The following QSER1 variants were observed in gnomAD, a reference collection of about 807,000 sequenced individuals.
The protein encoded by QSER1 is glutamine and serine rich 1, also known as glutamine and serine-rich protein 1.
QSER1 carries 49 observed loss-of-function variants against 158.5 expected under a neutral mutation model. The ratio of observed to expected loss-of-function variants is 0.31; its 90% confidence interval spans 0.25 to 0.39. The LOEUF (loss-of-function observed/expected upper bound fraction) is 0.39. QSER1 is among the 10% of genes least tolerant of loss of function. QSER1 has a pLI of 1.00. For synonymous variants in QSER1, 650 were observed against 715.5 expected (o/e 0.91, Z 1.46); for missense variants, 1,754 against 2,010.3 (o/e 0.87, Z 2.44).
At chr11:32,909,126 C>G (rs1851731772) in intron 1 of QSER1, among the ~76,000 whole-genome samples, 1 of 152,174 alleles carries the variant, frequency 6.6e-6, no homozygotes, top group African/African-American at 2.4e-5. Flanking sequence ...CGCCACTGCA[C>G]TCCAGCCGGG....
At chr11:32,912,164 A>G (rs1273707390) in intron 1 of QSER1, among the ~76,000 whole-genome samples, 1 of 152,180 alleles carries the variant, frequency 6.6e-6, no homozygotes, top group Non-Finnish European at 1.5e-5. Flanking sequence ...CCTAAGTAGG[A>G]ATATTCATTA....
rs934973509 is a variant in QSER1 at position 32,976,577 on chromosome 11, C to T, written c.*103C>T. 7.1e-6 allele frequency: 9 copies of T among 1,275,006 alleles called. No individual in the cohort carries two copies. Among genetic ancestry groups the T allele is most frequent in the Middle Eastern group, 2.1e-4 (1 of 4,720 alleles). 79.0% of individuals were successfully genotyped at this position (1,275,006 alleles called of 1,614,324 possible). A position where few individuals can be genotyped will look rare whatever the true frequency, so the allele number is the denominator to read the frequency against. On this transcript the variant is annotated 3_prime_UTR_variant, in exon 13 of 13. Coordinates refer to ENST00000650167, the MANE Select transcript of QSER1 (RefSeq NM_001076786.3). ...AAGTAGTGGCCTTCTGCAGGCCGGC[C>T]GCTTCCATCATGGAACTGTCATTAC...
At chr11:32,899,406 T>A (rs566871003) in intron 1 of QSER1, among the ~76,000 whole-genome samples, 5 of 152,224 alleles carry the variant, frequency 3.3e-5, no homozygotes, top group Non-Finnish European at 7.3e-5. Context: ...TACTTGTTTC[T>A]TCCTTTCCTT....
In QSER1 at chr11:32,957,553, T is replaced by TC. The variant is rs147633633; in HGVS notation, c.4752-315dup. ...TTCATTACCTTCCTAAGCCCACTGA[T>TC]CATCTGTTGTACAGCCTCATAGTCT... On this transcript the variant is annotated intron_variant, in intron 7 of 12. Transcript: ENST00000650167. Among the ~76,000 whole-genome samples, 1,296 of 152,312 alleles carry TC rather than the reference T, an allele frequency of 8.5e-3. 22 individuals are homozygous for TC. Among genetic ancestry groups the TC allele is most frequent in the African/African-American group, 0.028 (1,157 of 41,572 alleles).
At chr11:32,961,525 C>T (rs1852624993) in intron 8 of QSER1, among the ~76,000 whole-genome samples, 1 of 152,128 alleles carries the variant, frequency 6.6e-6, no homozygotes, top group South Asian at 2.1e-4. Flanking sequence ...AATTTATTAG[C>T]ATTATTTACA....
At chr11:32,958,125 A>C (rs762012853) in intron 8 of QSER1, 39 bp downstream of exon 8, 1 of 1,488,038 alleles carries the variant, frequency 6.7e-7, no homozygotes, top group Non-Finnish European at 9.4e-7. Context: ...ATAACTTTAG[A>C]TTATCTACAT....
At chr11:32,894,518 T>G (rs1016113198) in intron 1 of QSER1, among the ~76,000 whole-genome samples, 2 of 152,248 alleles carry the variant, frequency 1.3e-5, no homozygotes, top group Non-Finnish European at 2.9e-5. Flanking sequence ...ACTTTTGTTT[T>G]AAGTTTATAC....
Position 32,932,733 on chromosome 11 carries a change from C to T in QSER1, c.1475C>T (p.Ser492Phe), listed in dbSNP as rs1207509114. The change falls in exon 4 of 13, where the codon TCC becomes TTC. Residue 492 changes from serine (S) to phenylalanine (F), a missense_variant. Around this residue, in one of 2 missense-constraint regions of QSER1, gnomAD observed 1,707 missense variants for 1,919.6 expected, o/e 0.89. Coordinates refer to ENST00000650167, the MANE Select transcript of QSER1 (RefSeq NM_001076786.3). Reference sequence around the variant, plus strand: ...ATTGTTCATTCACAGGTTTATAGGTCCAGCAAGGTTGAGAAATTGCCACCC... The same window carrying T: ...ATTGTTCATTCACAGGTTTATAGGTTCAGCAAGGTTGAGAAATTGCCACCC... ...PSIVHSQVYRSSKVEKLPPLY... is the reference protein window; with the variant it reads ...PSIVHSQVYRFSKVEKLPPLY... 3 of 1,613,986 alleles carry T rather than the reference C, an allele frequency of 1.9e-6. No homozygotes were observed. Among genetic ancestry groups the T allele is most frequent in the Admixed American group, 3.3e-5 (2 of 59,994 alleles).
intron 1 of QSER1, among the ~76,000 whole-genome samples, chr11:32,917,051 T>C (rs1479092089): frequency 1.3e-5 from 2 of 152,236 alleles, no homozygotes; most frequent in African/African-American, 2.4e-5. Context: ...CCTCCCGCAG[T>C]GCTGGGATTA....
At position 32,915,574 on chromosome 11, in the gene QSER1, G is replaced by C. The variant is rs534648835; in HGVS notation, c.210-11583G>C. The stretch of plus-strand genomic sequence containing the variant: ...CTATATTCAAAGACGAGTCTATACT[G>C]GTCCAAACGTGGAATTACAAATCAA... On this transcript the variant is annotated intron_variant, in intron 1 of 12. Transcript: ENST00000650167. Among the ~76,000 whole-genome samples the C allele has an allele frequency of 1.6e-4, 25 of 152,212 alleles. No individual in the cohort carries two copies. In the East Asian group the frequency reaches 2.7e-3, roughly 16 times the overall value.
intron 1 of QSER1, among the ~76,000 whole-genome samples, chr11:32,908,231 G>T (rs1254047839): frequency 6.6e-6 from 1 of 152,162 alleles, no homozygotes; most frequent in Non-Finnish European, 1.5e-5. Context: ...AAAAGAAGAT[G>T]ATGAAATGCA....
chr11:32,973,547 CAAGT>C lies in QSER1; in HGVS notation c.5358+3_5358+6del. ...TTCTAAAACAACCACCAAATCTGCA[CAAGT>C]AAGTGTAATTGATTATTAATGTAAC... is the stretch of plus-strand genomic sequence containing the variant. On this transcript the variant is annotated splice_donor_variant and coding_sequence_variant, in exon 11 of 13. Transcript: ENST00000650167. LOFTEE classifies it high-confidence loss of function. The C allele has an allele frequency of 1.2e-6, 2 of 1,601,428 alleles. No homozygotes were observed. Among genetic ancestry groups the C allele is most frequent in the Non-Finnish European group, 1.7e-6 (2 of 1,175,532 alleles).
intron 8 of QSER1, among the ~76,000 whole-genome samples, chr11:32,963,356 C>CTGTTTGTT (rs1199642949): frequency 6.6e-6 from 1 of 151,876 alleles, no homozygotes; most frequent in African/African-American, 2.4e-5. Context: ...TGCCCAGGCT[C>CTGTTTGTT]TGTTTGTTTG....
rs914934249 is a variant in QSER1 at position 32,977,100 on chromosome 11, G to A, written c.*626G>A. 6.6e-6 allele frequency: 1 copy of A among 152,518 alleles called. No homozygotes were observed. Among genetic ancestry groups the A allele is most frequent in the Non-Finnish European group, 1.5e-5 (1 of 68,034 alleles). The allele number at this position is 152,518 out of a possible 1,614,324, so 9.4% of individuals were successfully genotyped here. A position where few individuals can be genotyped will look rare whatever the true frequency, so the allele number is the denominator to read the frequency against. ...ACTGCTTTTTGTGTCAAATTATATTGTGATAAAAAAACAATGACATACTAT... is the reference window on the plus strand; with the variant it reads ...ACTGCTTTTTGTGTCAAATTATATTATGATAAAAAAACAATGACATACTAT... On this transcript the variant is annotated 3_prime_UTR_variant, in exon 13 of 13. Transcript: ENST00000650167.
rs749547427 is a variant in QSER1, at chr11:32,973,409, A to G, written c.5218A>G (p.Ser1740Gly). Reference protein sequence around the residue: ...LDQSFKNALESFPELTIITRD... With the variant: ...LDQSFKNALEGFPELTIITRD... ...CATTGTTTTCCAGAATGCTTTGGAA[A>G]GTTTTCCTGAACTAACAATAATTAC... Residue 1740 changes from serine (S) to glycine (G), a missense_variant, in exon 11 of 13, where the codon AGT becomes GGT. Ser to Gly is a moderately conservative substitution (Grantham distance 56). Around this residue, in one of 2 missense-constraint regions of QSER1, gnomAD observed 1,707 missense variants for 1,919.6 expected, o/e 0.89. Transcript: ENST00000650167. 3 of 1,613,350 alleles carry G rather than the reference A, an allele frequency of 1.9e-6. No individual in the cohort carries two copies. The highest frequency in any genetic ancestry group is 1.7e-5 in the Admixed American group (1 of 59,896).
At chr11:32,898,494 A>T (rs928639496) in intron 1 of QSER1, among the ~76,000 whole-genome samples, 3 of 122,172 alleles carry the variant, frequency 2.5e-5, no homozygotes, top group East Asian at 2.1e-4. Flanking sequence ...ACACACACAC[A>T]CACACACACA....
intron 3 of QSER1, among the ~76,000 whole-genome samples, chr11:32,928,519 TC>T (rs1852005058): frequency 6.6e-6 from 1 of 152,192 alleles, no homozygotes; most frequent in African/African-American, 2.4e-5. Flanking sequence ...TATAAAGTTA[TC>T]CTTAATTGGA....
Position 32,931,905 on chromosome 11 carries a change from C to G in QSER1, c.647C>G (p.Thr216Ser). 5 of 1,614,196 alleles carry G rather than the reference C, an allele frequency of 3.1e-6. No individual in the cohort carries two copies. Among genetic ancestry groups the G allele is most frequent in the Non-Finnish European group, 4.2e-6 (5 of 1,180,020 alleles). The change falls in exon 4 of 13, where the codon ACT (threonine) becomes AGT (serine). Residue 216 changes from threonine to serine, a missense_variant. Around this residue, in one of 2 missense-constraint regions of QSER1, gnomAD observed 1,707 missense variants for 1,919.6 expected, o/e 0.89. Transcript: ENST00000650167. The stretch of plus-strand genomic sequence containing the variant: ...GTGCTTCAGGATTCAACTTTTAACA[C>G]TACATCAAATGGAATTTTAAGTCAT... The part of the protein sequence containing the change: ...PLVLQDSTFN[T>S]TSNGILSHHD...
At position 32,928,066 on chromosome 11, in the gene QSER1, G is replaced by T. The variant is rs201919670; in HGVS notation, c.427G>T (p.Ala143Ser). 6.2e-7 allele frequency: 1 copy of T among 1,613,870 alleles called. No individual in the cohort carries two copies. The highest frequency in any genetic ancestry group is 8.5e-7 in the Non-Finnish European group (1 of 1,179,852). ...TACTGCTGAATCCCGAACTGCTCAG[G>T]CTGCTGCTTCAGGAACTACTCTCTT... Reference protein sequence around the residue: ...LSTAESRTAQAAASGTTLLPQ... With the variant: ...LSTAESRTAQSAASGTTLLPQ... Residue 143 changes from alanine to serine, a missense_variant, in exon 3 of 13, where the codon GCT (alanine) becomes TCT (serine). Coordinates refer to ENST00000650167, the MANE Select transcript of QSER1 (RefSeq NM_001076786.3).
Sources: gnomAD v4.1 joint callset for allele counts (sites outside exome capture counted in the v4.1 genomes callset) on GRCh38, gnomAD v4.1.1 for gene constraint, gnomAD v4.1.1 regional missense constraint, MANE v1.5 for transcripts, NCBI Gene and HGNC (gene_info 2026-07-23, HGNC 2026-07-21) for gene names.